Variants in METTL15 observed in about 807,000 individuals in gnomAD.
The protein encoded by METTL15 is methyltransferase 15, mitochondrial 12S rRNA N4-cytidine.
Under a neutral mutation model 38.3 loss-of-function variants are expected in METTL15, and 34 were observed. That is an observed-to-expected ratio of 0.89 (90% CI 0.68 to 1.18). The LOEUF is 1.18. Ranked by LOEUF, METTL15 falls within the 50% of genes most tolerant of loss-of-function variation. METTL15 has a pLI of 0.00. For missense variants in METTL15, 438 were observed against 498.4 expected, an observed-to-expected ratio of 0.88 and a Z score of 1.15; for synonymous variants, 162 against 170.9, an observed-to-expected ratio of 0.95 and a Z score of 0.41.
intron 5 of METTL15, among the ~76,000 whole-genome samples, chr11:28,376,841 T>G (rs1421604095): frequency 6.8e-6 from 1 of 147,690 alleles, no homozygotes; most frequent in Non-Finnish European, 1.5e-5. Flanking sequence ...AGGAGCTCTT[T>G]TAGGGCAGGC....
At chr11:28,192,032 G>A (rs1263857389) in intron 3 of METTL15, among the ~76,000 whole-genome samples, 1 of 151,608 alleles carries the variant, frequency 6.6e-6, no homozygotes, top group Non-Finnish European at 1.5e-5. Flanking sequence ...AGTTATTTGA[G>A]TTACTATGTT....
At chr11:28,110,477 G>A in intron 2 of METTL15, 76 bp downstream of exon 2, 1 of 152,312 alleles carries the variant, frequency 6.6e-6, no homozygotes. Context: ...CACAGGGGTC[G>A]CTGGATTCGT....
intron 6 of METTL15, among the ~76,000 whole-genome samples, chr11:28,474,866 A>C (rs1283679447): frequency 6.6e-6 from 1 of 152,150 alleles, no homozygotes; most frequent in Non-Finnish European, 1.5e-5. Flanking sequence ...GCAGTTACTA[A>C]TGGTGGTACT....
intron 3 of METTL15, among the ~76,000 whole-genome samples, chr11:28,348,736 T>G (rs4310592): frequency 4.1e-5 from 6 of 147,938 alleles, no homozygotes; most frequent in Admixed American, 1.4e-4. Context: ...ATGTATGTAT[T>G]TATATCATTG....
At chr11:28,180,186 G>C (rs1277421419) in intron 3 of METTL15, among the ~76,000 whole-genome samples, 2 of 151,784 alleles carry the variant, frequency 1.3e-5, no homozygotes, top group Non-Finnish European at 2.9e-5. Flanking sequence ...ATGTTTTGTT[G>C]TTGAGTGAAT....
intron 3 of METTL15, among the ~76,000 whole-genome samples, chr11:28,129,693 A>G (rs555329038): frequency 2.6e-5 from 4 of 152,202 alleles, no homozygotes; most frequent in Non-Finnish European, 5.9e-5. Context: ...TACAGGTGTG[A>G]GTCACTGCGC....
chr11:28,227,604 G>C (rs1374098276), intron 4 of METTL15, among the ~76,000 whole-genome samples: 2 of 151,820 alleles, frequency 1.3e-5, no homozygotes, highest in Admixed American at 1.3e-4. Flanking sequence ...GAAAGGGAGA[G>C]GAATGACAGA....
At chr11:28,155,503 C>T (rs1372530995) in intron 3 of METTL15, among the ~76,000 whole-genome samples, 1 of 152,088 alleles carries the variant, frequency 6.6e-6, no homozygotes, top group Non-Finnish European at 1.5e-5. Flanking sequence ...CTGTCTTTTC[C>T]TTCCCACCTC....
chr11:28,311,165 T>C (rs766284266), intron 6 of METTL15, among the ~76,000 whole-genome samples: 4 of 152,154 alleles, frequency 2.6e-5, no homozygotes, highest in Admixed American at 6.5e-5. Context: ...AGCAATTAAA[T>C]CATTGTTTTG....
chr11:28,264,967 C>T (rs1251960362), intron 4 of METTL15, among the ~76,000 whole-genome samples: 1 of 151,822 alleles, frequency 6.6e-6, no homozygotes, highest in African/African-American at 2.4e-5. Flanking sequence ...TATAGTATTG[C>T]TTCATATCAA....
At chr11:28,378,227 G>T (rs942896346) in intron 5 of METTL15, among the ~76,000 whole-genome samples, 1 of 152,214 alleles carries the variant, frequency 6.6e-6, no homozygotes. Flanking sequence ...AAGCAAGCTT[G>T]GGCAATGGCG....
chr11:28,265,741 C>A (rs149396940), intron 4 of METTL15, among the ~76,000 whole-genome samples: 14 of 152,262 alleles, frequency 9.2e-5, no homozygotes, highest in Admixed American at 3.9e-4. Context: ...CTCTTGAACT[C>A]CACACCTATA....
At chr11:28,179,247 G>T (rs892680457) in intron 3 of METTL15, among the ~76,000 whole-genome samples, 1 of 151,516 alleles carries the variant, frequency 6.6e-6, no homozygotes, top group African/African-American at 2.4e-5. Context: ...TATTTGTATG[G>T]CTTAAATACA....
intron 4 of METTL15, among the ~76,000 whole-genome samples, chr11:28,247,283 G>T (rs1203118287): frequency 2.0e-5 from 3 of 152,026 alleles, no homozygotes; most frequent in Non-Finnish European, 2.9e-5. Context: ...ACATAAATTT[G>T]TTGATTTCTA....
chr11:28,320,891 A>G (rs534258694), intron 6 of METTL15, among the ~76,000 whole-genome samples: 4 of 152,230 alleles, frequency 2.6e-5, no homozygotes, highest in South Asian at 2.1e-4. Context: ...CTTTTAAAAC[A>G]TAAGTACTAC....
At chr11:28,399,139 A>G (rs1850604756) in intron 5 of METTL15, 1 of 152,112 alleles carries the variant, frequency 6.6e-6, no homozygotes, top group Non-Finnish European at 1.5e-5. Flanking sequence ...CTCAGAAATA[A>G]CGTAGCACAT....
intron 6 of METTL15, among the ~76,000 whole-genome samples, chr11:28,302,530 G>C (rs1440489787): frequency 6.6e-6 from 1 of 152,022 alleles, no homozygotes; most frequent in African/African-American, 2.4e-5. Flanking sequence ...TGAGACCTGA[G>C]ACCCTAACAC....
At chr11:28,207,802 T>A (rs370877511) in intron 3 of METTL15, among the ~76,000 whole-genome samples, 22 of 152,120 alleles carry the variant, frequency 1.4e-4, no homozygotes, top group African/African-American at 4.6e-4. Flanking sequence ...TTATTGGTCT[T>A]TTCAGAGATT....
intron 4 of METTL15, among the ~76,000 whole-genome samples, chr11:28,356,848 G>A (rs4439498): frequency 2.0e-5 from 3 of 152,032 alleles, no homozygotes; most frequent in East Asian, 1.9e-4. Flanking sequence ...CAAATTAATC[G>A]GAGACCCATA....
Sources: gnomAD v4.1 joint callset for allele counts (sites outside exome capture counted in the v4.1 genomes callset) on GRCh38, gnomAD v4.1.1 for gene constraint, MANE v1.5 for transcripts, NCBI Gene and HGNC (gene_info 2026-07-23, HGNC 2026-07-21) for gene names.